Variants in OXCT1 observed in about 807,000 individuals in gnomAD.
The protein encoded by OXCT1 is 3-oxoacid CoA-transferase 1, also known as succinyl-CoA:3-ketoacid coenzyme A transferase 1, mitochondrial.
Under a neutral mutation model 69.6 loss-of-function variants are expected in OXCT1, and 27 were observed. That is an observed-to-expected ratio of 0.39 (90% confidence interval 0.29 to 0.54). The LOEUF is 0.54. Ranked by LOEUF, OXCT1 falls within the 20% of genes least tolerant of loss-of-function variation. The pLI, the probability that OXCT1 is intolerant of heterozygous loss-of-function variation, is 0.72. For missense variants in OXCT1, 437 were observed against 650.2 expected, an observed-to-expected ratio of 0.67 and a Z score of 3.57; for synonymous variants, 202 against 217.8, an observed-to-expected ratio of 0.93 and a Z score of 0.64.
intron 3 of OXCT1, among the ~76,000 whole-genome samples, chr5:41,859,170 AT>A (rs1002629650): frequency 2.6e-5 from 4 of 152,164 alleles, no homozygotes; most frequent in African/African-American, 9.7e-5. Flanking sequence ...GATCAGATAG[AT>A]TGCTGCAGTC....
Position 41,781,694 on chromosome 5 carries a change from G to A in OXCT1, c.1248+12309C>T, listed in dbSNP as rs912371354. On this transcript the variant is annotated intron_variant, in intron 13 of 16. Coordinates refer to ENST00000196371, the MANE Select transcript of OXCT1 (RefSeq NM_000436.4). ...TCGTTCAGCTCCCACTTACAAGTGA[G>A]AATATGCAGTGTTTGGTTTTCTGTT... 3.1e-4 allele frequency among the ~76,000 whole-genome samples: 47 copies of A among 152,168 alleles called. 1 individual carries two copies. The highest frequency in any genetic ancestry group is 3.1e-3 in the Admixed American group (47 of 15,270).
intron 16 of OXCT1, among the ~76,000 whole-genome samples, chr5:41,734,571 A>G (rs966640410): frequency 2.6e-5 from 4 of 152,200 alleles, no homozygotes; most frequent in Admixed American, 2.6e-4. Context: ...GAAATTTGAC[A>G]TACTCATTAG....
intron 11 of OXCT1, among the ~76,000 whole-genome samples, chr5:41,797,103 A>G (rs185298606): frequency 1.7e-3 from 266 of 152,344 alleles, no homozygotes; most frequent in African/African-American, 6.1e-3. Context: ...TTTGTAGGAC[A>G]AAAAGGAAGA....
intron 13 of OXCT1, among the ~76,000 whole-genome samples, chr5:41,787,633 GCAA>G (rs1235822378): frequency 4.8e-5 from 1 of 20,690 alleles, no homozygotes; most frequent in African/African-American, 1.2e-4. Flanking sequence ...CAAGCATTAG[GCAA>G]AAAAAAAAAA....
rs186595182 is a variant in OXCT1 at position 41,754,495 on chromosome 5, G to A, written c.1339-4888C>T. Reference sequence around the variant, plus strand: ...ACAGTGTGATTATTTCACACCATATGCCTATATCAAAACATCTCATGTACC... The same window carrying A: ...ACAGTGTGATTATTTCACACCATATACCTATATCAAAACATCTCATGTACC... On this transcript the variant is annotated intron_variant, in intron 14 of 16. Transcript: ENST00000196371. 2.8e-4 allele frequency among the ~76,000 whole-genome samples: 42 copies of A among 152,058 alleles called. 1 individual carries two copies. Among genetic ancestry groups the A allele is most frequent in the Non-Finnish European group, 3.5e-4 (24 of 67,972 alleles).
chr5:41,742,601 T>C (rs984831230), intron 15 of OXCT1, among the ~76,000 whole-genome samples: 16 of 152,218 alleles, frequency 1.1e-4, no homozygotes, highest in Non-Finnish European at 4.4e-5. Flanking sequence ...CATTTAACAT[T>C]AGGTATATCT....
chr5:41,848,920 C>A (rs972946344), intron 5 of OXCT1, among the ~76,000 whole-genome samples: 3 of 152,108 alleles, frequency 2.0e-5, no homozygotes, highest in Non-Finnish European at 4.4e-5. Context: ...CAACAAAAGC[C>A]AAAATTGACA....
In OXCT1 at chr5:41,805,423, T is replaced by TA. The variant is rs878997637; in HGVS notation, c.955+143dup. 67,023 of 560,102 alleles carry TA rather than the reference T, an allele frequency of 0.12. 732 individuals carry two copies. The highest frequency in any genetic ancestry group is 0.18 in the African/African-American group (8,896 of 49,708). The allele number at this position is 560,102 out of a possible 1,614,324, so 34.7% of individuals were successfully genotyped here. On this transcript the variant is annotated intron_variant, in intron 9 of 16. Coordinates refer to ENST00000196371, the MANE Select transcript of OXCT1 (RefSeq NM_000436.4). Reference sequence around the variant, plus strand: ...CCTTTGGATTATATGCCACATTTTGTAAAAAAAAAAAAAAAATTGATTAAT... The same window carrying TA: ...CCTTTGGATTATATGCCACATTTTGTAAAAAAAAAAAAAAAAATTGATTAAT...
In OXCT1 at chr5:41,862,760, TAAAA is replaced by T; in HGVS notation, c.79-14_79-11del. The T allele has an allele frequency of 7.9e-7, 1 of 1,258,982 alleles. No homozygotes were observed. The highest frequency in any genetic ancestry group is 1.1e-6 in the Non-Finnish European group (1 of 914,994). The allele number at this position is 1,258,982 out of a possible 1,614,324, so 78.0% of individuals were successfully genotyped here. A position where few individuals can be genotyped will look rare whatever the true frequency, so the allele number is the denominator to read the frequency against. ...AGGAACAAACACATCCCTGAAATAT[TAAAA>T]AAAAAAAATTGATAATCATTTGGAG... On this transcript the variant is annotated splice_polypyrimidine_tract_variant and intron_variant, in intron 1 of 16. Coordinates refer to ENST00000196371, the MANE Select transcript of OXCT1 (RefSeq NM_000436.4).
In OXCT1 at chr5:41,802,448, C is replaced by G. The variant is rs78039610; in HGVS notation, c.1050+621G>C. Among the ~76,000 whole-genome samples, 1,161 of 152,042 alleles carry G rather than the reference C, an allele frequency of 7.6e-3. 15 individuals are homozygous for G. Among genetic ancestry groups the G allele is most frequent in the African/African-American group, 0.027 (1,101 of 41,490 alleles). The stretch of plus-strand genomic sequence containing the variant: ...ATATGGCCTAACTAAGAAAACTGAG[C>G]TCATCTGGATGCTTAATCTTAAGGA... On this transcript the variant is annotated intron_variant, in intron 10 of 16. Transcript: ENST00000196371.
rs1446331509 is a variant in OXCT1 at position 41,870,332 on chromosome 5, G to A, written c.27C>T (p.Ser9=). 1 of 1,613,818 alleles carries A rather than the reference G, an allele frequency of 6.2e-7. No individual in the cohort carries two copies. Among genetic ancestry groups the A allele is most frequent in the Non-Finnish European group, 8.5e-7 (1 of 1,179,884 alleles). ...GGGCAGAGGCGCAGAGCCGAAGCCC[G>A]GAGGAGAGGAGTTTGAGAGCCGCCA... MAALKLLS[S]GLRLCASARG... is the part of the protein sequence containing the mutation. Residue 9 remains serine (S), a synonymous_variant, in exon 1 of 17, where the codon TCC becomes TCT. Transcript: ENST00000196371. This position sits in a 1 kb window ranked among gnomAD's most constrained non-coding sequence, Gnocchi z 4.2.
intron 5 of OXCT1, among the ~76,000 whole-genome samples, chr5:41,848,886 T>C (rs531096807): frequency 3.0e-4 from 45 of 152,320 alleles, no homozygotes; most frequent in African/African-American, 9.9e-4. Flanking sequence ...AAGGACTTCA[T>C]GTATAAAACA....
At chr5:41,852,327 A>G (rs926180723) in intron 4 of OXCT1, among the ~76,000 whole-genome samples, 1 of 152,200 alleles carries the variant, frequency 6.6e-6, no homozygotes, top group Non-Finnish European at 1.5e-5. Flanking sequence ...GAGCCTCAGA[A>G]TAGTTCCCAT....
chr5:41,838,625 ATTT>A (rs113782574), intron 7 of OXCT1, among the ~76,000 whole-genome samples: 4 of 141,108 alleles, frequency 2.8e-5, no homozygotes, highest in Admixed American at 7.1e-5. Flanking sequence ...TTCTCAGTCA[ATTT>A]TTTTTTTTTT....
chr5:41,852,481 G>C (rs1316726450), intron 4 of OXCT1, among the ~76,000 whole-genome samples: 3 of 152,172 alleles, frequency 2.0e-5, no homozygotes, highest in Non-Finnish European at 4.4e-5. Context: ...CAAGAGCTGA[G>C]AGCAGAGCAT....
intron 13 of OXCT1, among the ~76,000 whole-genome samples, chr5:41,787,405 T>G (rs1745690650): frequency 6.6e-6 from 1 of 151,996 alleles, no homozygotes; most frequent in Non-Finnish European, 1.5e-5. Flanking sequence ...TGGAGAGAAT[T>G]TGCAAGCTGC....
At chr5:41,844,734 A>G (rs917676341) in intron 5 of OXCT1, among the ~76,000 whole-genome samples, 1 of 151,950 alleles carries the variant, frequency 6.6e-6, no homozygotes, top group Non-Finnish European at 1.5e-5. Flanking sequence ...TGCTTCATTC[A>G]TCTTACACAG....
chr5:41,820,037 C>A (rs976472224), intron 7 of OXCT1, among the ~76,000 whole-genome samples: 1 of 152,138 alleles, frequency 6.6e-6, no homozygotes, highest in African/African-American at 2.4e-5. Flanking sequence ...TTTAACCATA[C>A]CCTGTACCTT....
At position 41,870,009 on chromosome 5, in the gene OXCT1, TCCTCC is replaced by T; in HGVS notation, c.78+267_78+271del. 5.9e-5 allele frequency: 28 copies of T among 473,082 alleles called. No homozygotes were observed. Among genetic ancestry groups the T allele is most frequent in the South Asian group, 2.4e-4 (11 of 45,328 alleles). The allele number at this position is 473,082 out of a possible 1,614,324, so 29.3% of individuals were successfully genotyped here. A position where few individuals can be genotyped will look rare whatever the true frequency, so the allele number is the denominator to read the frequency against. On this transcript the variant is annotated intron_variant, in intron 1 of 16. Transcript: ENST00000196371. The surrounding 1 kb of genome is among the most constrained non-coding windows in gnomAD (Gnocchi z 4.2). ...AAGGGCTCGGGAGCGCTGCCAGGAG[TCCTCC>T]CGCCCCTTCTCAGCCTCTCCGCGCG...
Sources: allele counts gnomAD v4.1 joint callset (sites outside exome capture counted in the v4.1 genomes callset), GRCh38; gene constraint gnomAD v4.1.1; non-coding constraint Gnocchi (gnomAD v3.1); transcripts MANE v1.5; gene names NCBI Gene and HGNC (gene_info 2026-07-23, HGNC 2026-07-21).